GNG12: variants seen among roughly 807,000 people sequenced by gnomAD.
The protein encoded by GNG12 is G protein subunit gamma 12, also known as guanine nucleotide-binding protein G(I)/G(S)/G(O) subunit gamma-12.
For missense variants in GNG12, 69 were observed against 83.8 expected (o/e 0.82, Z 0.69); for synonymous variants, 28 against 29.7 (o/e 0.94, Z 0.19).
At chr1:67,804,188 G>A (rs1646882176) in intron 1 of GNG12, among the ~76,000 whole-genome samples, 1 of 152,214 alleles carries the variant, frequency 6.6e-6, no homozygotes, top group South Asian at 2.1e-4. Flanking sequence ...GTGGAATTAA[G>A]CAACATGATA....
At chr1:67,806,033 C>T (rs964046219) in intron 1 of GNG12, among the ~76,000 whole-genome samples, 2 of 151,328 alleles carry the variant, frequency 1.3e-5, no homozygotes, top group African/African-American at 4.9e-5. Context: ...GAATTACATA[C>T]CCTGAAAAAT....
chr1:67,799,499 C>T (rs1043715191), intron 1 of GNG12, among the ~76,000 whole-genome samples: 8 of 152,134 alleles, frequency 5.3e-5, no homozygotes, highest in African/African-American at 1.9e-4. Context: ...TGCCAATGAA[C>T]CCAGACCACA....
At position 67,704,471 on chromosome 1, in the gene GNG12, C is replaced by T. The variant is rs1004754819; in HGVS notation, c.*980G>A. 3 of 152,416 alleles carry T rather than the reference C, an allele frequency of 2.0e-5. No homozygotes were observed. Among genetic ancestry groups the T allele is most frequent in the Admixed American group, 2.0e-4 (3 of 15,266 alleles). 9.4% of individuals were successfully genotyped at this position (152,416 alleles called of 1,614,324 possible). A position where few individuals can be genotyped will look rare whatever the true frequency, so the allele number is the denominator to read the frequency against. On this transcript the variant is annotated 3_prime_UTR_variant, in exon 4 of 4. Coordinates refer to ENST00000370982, the MANE Select transcript of GNG12 (RefSeq NM_018841.6). ...AGAGGGCTCAATCACAAAGCTGGGA[C>T]AAGGAGAGCAGCTGTTTTTCACACA... is the stretch of plus-strand genomic sequence containing the variant.
At chr1:67,815,846 CCTT>C (rs1646950495) in intron 1 of GNG12, among the ~76,000 whole-genome samples, 3 of 152,150 alleles carry the variant, frequency 2.0e-5, no homozygotes, top group African/African-American at 7.2e-5. Context: ...CCCGAGTTCT[CCTT>C]CTGTCAATCA....
intron 2 of GNG12, among the ~76,000 whole-genome samples, chr1:67,711,487 A>G (rs1450023275): frequency 6.6e-6 from 1 of 152,010 alleles, no homozygotes; most frequent in Non-Finnish European, 1.5e-5. Context: ...GGTAAGGGGA[A>G]GAGATAAATG....
At chr1:67,804,244 A>G (rs1261961471) in intron 1 of GNG12, among the ~76,000 whole-genome samples, 1 of 152,188 alleles carries the variant, frequency 6.6e-6, no homozygotes, top group Non-Finnish European at 1.5e-5. Context: ...TCAGTTAATT[A>G]ATATTATGCC....
rs370214336 is a variant in GNG12 at position 67,816,850 on chromosome 1, G to C, written c.-77+16494C>G. 1.1e-4 allele frequency among the ~76,000 whole-genome samples: 16 copies of C among 152,230 alleles called. No homozygotes were observed. The East Asian group carries it at 2.1e-3, about 20-fold the overall frequency. On this transcript the variant is annotated intron_variant, in intron 1 of 3. Coordinates refer to ENST00000370982, the MANE Select transcript of GNG12 (RefSeq NM_018841.6). The stretch of plus-strand genomic sequence containing the variant: ...GGTGTGGGGCTCTAACTCCACCTTT[G>C]CCCTCTGCTAGCCCATGACCTTGTG...
intron 2 of GNG12, among the ~76,000 whole-genome samples, chr1:67,730,593 G>A (rs1453095827): frequency 6.6e-6 from 1 of 151,898 alleles, no homozygotes; most frequent in Non-Finnish European, 1.5e-5. Context: ...GGGCAAAACT[G>A]ATCTATGCTG....
At chr1:67,787,036 A>AGT (rs56084524) in intron 1 of GNG12, among the ~76,000 whole-genome samples, 16,751 of 131,058 alleles carry the variant, frequency 0.13, 1,168 homozygotes, top group African/African-American at 0.19. Context: ...TATGTGTATA[A>AGT]GTGTGTGTGT....
At chr1:67,735,652 A>G (rs1490969035) in intron 2 of GNG12, among the ~76,000 whole-genome samples, 2 of 152,238 alleles carry the variant, frequency 1.3e-5, no homozygotes, top group Non-Finnish European at 2.9e-5. Context: ...AAAGAATACC[A>G]AATAATTTAA....
Position 67,707,669 on chromosome 1 carries a change from T to G in GNG12, c.18A>C (p.Ala6=), listed in dbSNP as rs1330400370. The part of the protein sequence containing the change: MSSKT[A]STNNIAQARR... ...TTGCCTGGGCTATATTGTTGGTGCT[T>G]GCTGTTTTGCTGGACATCTTCAATT... Residue 6 remains alanine, a synonymous_variant, in exon 3 of 4, where the codon GCA becomes GCC. Transcript: ENST00000370982. 9 of 1,603,244 alleles carry G rather than the reference T, an allele frequency of 5.6e-6. No homozygotes were observed. Among genetic ancestry groups the G allele is most frequent in the Non-Finnish European group, 7.6e-6 (9 of 1,176,510 alleles).
intron 2 of GNG12, among the ~76,000 whole-genome samples, chr1:67,772,250 C>A (rs1646679102): frequency 6.6e-6 from 1 of 152,142 alleles, no homozygotes; most frequent in African/African-American, 2.4e-5. Flanking sequence ...AGATTAAGAA[C>A]TACTCCTGTA....
intron 3 of GNG12, 62 bp downstream of exon 3, chr1:67,707,532 C>T (rs1218552960): frequency 4.5e-6 from 4 of 890,566 alleles, no homozygotes; most frequent in African/African-American, 1.7e-5. Context: ...ACAAGTGGTC[C>T]AGCCACAAGG....
chr1:67,711,108 C>A (rs1646292747), intron 2 of GNG12, among the ~76,000 whole-genome samples: 1 of 152,148 alleles, frequency 6.6e-6, no homozygotes, highest in Non-Finnish European at 1.5e-5. Flanking sequence ...ACCCAGAATA[C>A]AAATTAAAGT....
chr1:67,711,950 T>C (rs746831626), intron 2 of GNG12, among the ~76,000 whole-genome samples: 4 of 152,202 alleles, frequency 2.6e-5, no homozygotes, highest in Non-Finnish European at 5.9e-5. Flanking sequence ...TTAAGGAGCC[T>C]CTGGTTTGCT....
Position 67,704,828 on chromosome 1 carries a change from CTT to C in GNG12, c.*621_*622del, listed in dbSNP as rs1646236881. The C allele has an allele frequency of 6.6e-6, 1 of 152,428 alleles. No individual in the cohort carries two copies. Among genetic ancestry groups the C allele is most frequent in the Admixed American group, 6.5e-5 (1 of 15,280 alleles). The allele number at this position is 152,428 out of a possible 1,614,324, so 9.4% of individuals were successfully genotyped here. A position where few individuals can be genotyped will look rare whatever the true frequency, so the allele number is the denominator to read the frequency against. On this transcript the variant is annotated 3_prime_UTR_variant, in exon 4 of 4. Transcript: ENST00000370982. ...CAATGAATACAATCTTTAGGATACTCTTTACTTTTTGTACAATAACGATATGA... is the reference window on the plus strand; with the variant it reads ...CAATGAATACAATCTTTAGGATACTCTACTTTTTGTACAATAACGATATGA...
intron 2 of GNG12, among the ~76,000 whole-genome samples, chr1:67,709,682 G>A (rs527588163): frequency 2.0e-5 from 3 of 150,316 alleles, no homozygotes; most frequent in African/African-American, 7.4e-5. Flanking sequence ...CTCACACCGA[G>A]TGGCCTGGCC....
intron 1 of GNG12, among the ~76,000 whole-genome samples, chr1:67,815,835 TC>T (rs1346181919): frequency 1.1e-4 from 17 of 152,052 alleles, no homozygotes; most frequent in Admixed American, 1.0e-3. Context: ...AGCGGCCAAA[TC>T]CCGAGTTCTC....
At chr1:67,830,776 A>AAC (rs1452877499) in intron 1 of GNG12, among the ~76,000 whole-genome samples, 2 of 151,890 alleles carry the variant, frequency 1.3e-5, no homozygotes, top group African/African-American at 2.4e-5. Context: ...CACACACACA[A>AAC]ACACACACAC....
Sources: allele counts gnomAD v4.1 joint callset (sites outside exome capture counted in the v4.1 genomes callset), GRCh38; gene constraint gnomAD v4.1.1; transcripts MANE v1.5; gene names NCBI Gene and HGNC (gene_info 2026-07-23, HGNC 2026-07-21).